The following DNAJC1 variants were observed in gnomAD, a reference collection of about 807,000 sequenced individuals.
The protein encoded by DNAJC1 is dnaJ homolog subfamily C member 1.
A neutral mutation model predicts 76.6 loss-of-function variants in DNAJC1; 58 were observed. The ratio of observed to expected loss-of-function variants is 0.76; its 90% CI spans 0.61 to 0.94. The LOEUF (loss-of-function observed/expected upper bound fraction) is 0.94. Among genes scored for constraint, DNAJC1 ranks in the 40% least tolerant of loss-of-function variants. The pLI is 0.00. For synonymous variants in DNAJC1, 258 were observed against 267.9 expected, an observed-to-expected ratio of 0.96 and a Z score of 0.36; for missense variants, 689 against 677.3, an observed-to-expected ratio of 1.02 and a Z score of -0.19.
At chr10:21,902,554 C>T (rs929593707) in intron 7 of DNAJC1, among the ~76,000 whole-genome samples, 1 of 152,180 alleles carries the variant, frequency 6.6e-6, no homozygotes, top group African/African-American at 2.4e-5. Flanking sequence ...ATCCGCCTGT[C>T]TTGGCCTCCC....
At chr10:21,873,119 A>G (rs1209382785) in intron 8 of DNAJC1, among the ~76,000 whole-genome samples, 1 of 152,058 alleles carries the variant, frequency 6.6e-6, no homozygotes, top group Non-Finnish European at 1.5e-5. Context: ...CTGCTTGCTC[A>G]ATAGATCACG....
chr10:22,003,429 C>G lies in DNAJC1; in HGVS notation c.6G>C (p.Thr2=), dbSNP rs913018187. 4 of 1,363,522 alleles carry G rather than the reference C, an allele frequency of 2.9e-6. No individual in the cohort carries two copies. Among genetic ancestry groups the G allele is most frequent in the Non-Finnish European group, 3.8e-6 (4 of 1,061,048 alleles). The allele number at this position is 1,363,522 out of a possible 1,614,324, so 84.5% of individuals were successfully genotyped here. A position where few individuals can be genotyped will look rare whatever the true frequency, so the allele number is the denominator to read the frequency against. The change falls in exon 1 of 12, where the codon ACG becomes ACC. Residue 2 remains threonine (T), a synonymous_variant. Transcript: ENST00000376980. The part of the protein sequence containing the change: M[T]APCSQPAQLP... ...GCTGCGCCGGCTGGGAGCAAGGAGC[C>G]GTCATCGCGCTGGGCTCGGAAAGGT...
intron 9 of DNAJC1, among the ~76,000 whole-genome samples, chr10:21,789,708 A>G (rs1383600393): frequency 6.6e-6 from 1 of 152,210 alleles, no homozygotes; most frequent in East Asian, 1.9e-4. Context: ...GAACAATTCA[A>G]TGAATAAAAT....
chr10:21,842,170 C>T (rs1590009815), intron 8 of DNAJC1, among the ~76,000 whole-genome samples: 2 of 151,046 alleles, frequency 1.3e-5, no homozygotes, highest in African/African-American at 4.9e-5. Flanking sequence ...ATGGGTGCAG[C>T]ACACCAACAT....
At chr10:21,816,294 A>T (rs1835073707) in intron 8 of DNAJC1, among the ~76,000 whole-genome samples, 1 of 151,720 alleles carries the variant, frequency 6.6e-6, no homozygotes, top group Non-Finnish European at 1.5e-5. Context: ...AAAGAGGAGG[A>T]GGTTGTAATG....
chr10:21,766,414 A>G, intron 9 of DNAJC1, 105 bp from the exon 10 acceptor site: 1 of 840,690 alleles, frequency 1.2e-6, no homozygotes, highest in Non-Finnish European at 2.0e-6. Flanking sequence ...AGTTCATTGG[A>G]TCTTAGGCCT....
At chr10:21,862,415 A>C (rs190262538) in intron 8 of DNAJC1, among the ~76,000 whole-genome samples, 337 of 149,842 alleles carry the variant, frequency 2.2e-3, no homozygotes, top group African/African-American at 7.6e-3. Context: ...GTAAAATACC[A>C]TCTGTTACTA....
rs539447052 is a variant in DNAJC1, at chr10:22,003,633, G to C, written c.-199C>G. The C allele has an allele frequency of 3.1e-5, 16 of 508,788 alleles. No individual in the cohort carries two copies. In the South Asian group the frequency reaches 4.2e-4, roughly 13 times the overall value. The allele number at this position is 508,788 out of a possible 1,614,324, so 31.5% of individuals were successfully genotyped here. A position where few individuals can be genotyped will look rare whatever the true frequency, so the allele number is the denominator to read the frequency against. On this transcript the variant is annotated 5_prime_UTR_variant, in exon 1 of 12. Transcript: ENST00000376980. ...CGGCTGCCGGACGGGCGGGTGGGTA[G>C]GCGGGCGGGGCCGCAGCCAGCGCTA...
intron 1 of DNAJC1, among the ~76,000 whole-genome samples, chr10:21,974,337 C>T (rs1211208331): frequency 3.3e-5 from 5 of 151,998 alleles, no homozygotes; most frequent in African/African-American, 4.8e-5. Flanking sequence ...GAAATCAGTA[C>T]GGCCATTTTG....
intron 8 of DNAJC1, among the ~76,000 whole-genome samples, chr10:21,842,348 T>C (rs1341739593): frequency 1.3e-5 from 2 of 151,678 alleles, no homozygotes; most frequent in African/African-American, 4.8e-5. Flanking sequence ...AATAAGAGAT[T>C]GGACTAGGAT....
intron 1 of DNAJC1, among the ~76,000 whole-genome samples, chr10:21,988,956 C>G (rs1411779721): frequency 6.6e-6 from 1 of 152,120 alleles, no homozygotes; most frequent in African/African-American, 2.4e-5. Flanking sequence ...ATAACAGGGA[C>G]ATATATGTCA....
At chr10:21,976,721 T>C (rs933075820) in intron 1 of DNAJC1, among the ~76,000 whole-genome samples, 5 of 152,212 alleles carry the variant, frequency 3.3e-5, no homozygotes, top group African/African-American at 9.7e-5. Flanking sequence ...CTGTTTTTTT[T>C]CTCAGCTCTT....
chr10:21,811,064 C>G (rs1834956947), intron 8 of DNAJC1, among the ~76,000 whole-genome samples: 2 of 152,146 alleles, frequency 1.3e-5, no homozygotes, highest in African/African-American at 4.8e-5. Context: ...CCTACTTTCC[C>G]CAGGAATGCA....
chr10:21,923,769 AG>A (rs1837076189), intron 3 of DNAJC1, among the ~76,000 whole-genome samples: 1 of 151,950 alleles, frequency 6.6e-6, no homozygotes, highest in Non-Finnish European at 1.5e-5. Flanking sequence ...CTCATTAGTG[AG>A]TTTTATACTA....
At chr10:21,988,226 A>C (rs975000429) in intron 1 of DNAJC1, among the ~76,000 whole-genome samples, 6 of 152,180 alleles carry the variant, frequency 3.9e-5, no homozygotes, top group Non-Finnish European at 8.8e-5. Flanking sequence ...AAAAACACAG[A>C]GGACTGGTAC....
intron 1 of DNAJC1, among the ~76,000 whole-genome samples, chr10:21,958,086 A>G (rs573396443): frequency 6.6e-6 from 1 of 152,310 alleles, no homozygotes; most frequent in South Asian, 2.1e-4. Flanking sequence ...AATTGAGAAT[A>G]CCATTGTATT....
intron 9 of DNAJC1, among the ~76,000 whole-genome samples, chr10:21,778,320 T>C (rs1834479686): frequency 6.6e-6 from 1 of 152,178 alleles, no homozygotes; most frequent in Non-Finnish European, 1.5e-5. Flanking sequence ...TAAATACTGT[T>C]TTCTTCCCAC....
intron 1 of DNAJC1, among the ~76,000 whole-genome samples, chr10:21,976,321 G>T (rs67106981): frequency 0.046 from 7,018 of 152,182 alleles, 330 homozygotes; most frequent in African/African-American, 0.12. Flanking sequence ...TAAAATGTTG[G>T]CATATGTAAA....
intron 1 of DNAJC1, among the ~76,000 whole-genome samples, chr10:21,949,411 C>CTTTTTT (rs1201250094): frequency 4.3e-5 from 3 of 70,164 alleles, no homozygotes; most frequent in East Asian, 5.0e-4. Flanking sequence ...CCCCCTTCTT[C>CTTTTTT]TTTTTTTTTT....
Sources: allele counts gnomAD v4.1 joint callset (sites outside exome capture counted in the v4.1 genomes callset), GRCh38; gene constraint gnomAD v4.1.1; transcripts MANE v1.5; gene names NCBI Gene and HGNC (gene_info 2026-07-23, HGNC 2026-07-21).